HEATR1: variants seen among roughly 807,000 people sequenced by gnomAD.
The protein encoded by HEATR1 is HEAT repeat containing 1.
A neutral mutation model predicts 248.2 loss-of-function variants in HEATR1; 77 were observed. The ratio of observed to expected loss-of-function variants is 0.31; its 90% CI spans 0.26 to 0.37. HEATR1 has a LOEUF of 0.37. Ranked by LOEUF, HEATR1 falls within the 10% of genes least tolerant of loss-of-function variation. The pLI, the probability that HEATR1 is intolerant of heterozygous loss-of-function variation, is 1.00. For missense variants in HEATR1, 2,420 were observed against 2,504.9 expected, an observed-to-expected ratio of 0.97 and a Z score of 0.72; for synonymous variants, 897 against 923.1, an observed-to-expected ratio of 0.97 and a Z score of 0.51.
Position 236,571,568 on chromosome 1 carries a change from C to T in HEATR1, c.3826G>A (p.Asp1276Asn), listed in dbSNP as rs551819849. Reference protein sequence around the residue: ...LSPDGGKIPKDILDEEKFNVE... With the variant: ...LSPDGGKIPKNILDEEKFNVE... ...ACCTTTCCTTCCAAAAAGTACCTACCTTTGGGTATTTTGCCACCATCTGGA... is the reference window on the plus strand; with the variant it reads ...ACCTTTCCTTCCAAAAAGTACCTACTTTTGGGTATTTTGCCACCATCTGGA... The change falls in exon 27 of 45, where the codon GAT becomes AAT. Residue 1276 changes from aspartate (D) to asparagine (N), a missense_variant and splice_region_variant. Physicochemically the swap from Asp to Asn is conservative, Grantham distance 23. Coordinates refer to ENST00000366582, the MANE Select transcript of HEATR1 (RefSeq NM_018072.6). 1.2e-6 allele frequency: 2 copies of T among 1,613,404 alleles called. No individual in the cohort carries two copies. The highest frequency in any genetic ancestry group is 2.7e-5 in the African/African-American group (2 of 74,998).
intron 16 of HEATR1, 135 bp downstream of exon 16, chr1:236,585,685 C>G: frequency 1.5e-6 from 1 of 689,576 alleles, no homozygotes. Flanking sequence ...AACAACACTG[C>G]AACGTTTAAA....
chr1:236,554,629 G>A lies in HEATR1; in HGVS notation c.6047C>T (p.Ala2016Val). The A allele has an allele frequency of 6.2e-7, 1 of 1,612,202 alleles. No individual in the cohort carries two copies. Residue 2016 changes from alanine to valine, a missense_variant, in exon 42 of 45, where the codon GCA becomes GTA. Coordinates refer to ENST00000366582, the MANE Select transcript of HEATR1 (RefSeq NM_018072.6). ...CACCAGAGGCATCATCAAGGCTTCT[G>A]CTCTCTCTTTACTTATAAAATGCTG... ...DTQHFISKER[A>V]EALMMPLVDQ...
intron 21 of HEATR1, among the ~76,000 whole-genome samples, 181 bp from the exon 22 acceptor site, chr1:236,576,558 C>T (rs749399753): frequency 5.3e-5 from 8 of 152,196 alleles, no homozygotes; most frequent in Non-Finnish European, 1.2e-4. Context: ...TGAAAAGCTA[C>T]ACACTAAACC....
chr1:236,561,125 G>A (rs1217261674), intron 33 of HEATR1, 100 bp downstream of exon 33: 2 of 865,576 alleles, frequency 2.3e-6, no homozygotes, highest in African/African-American at 3.4e-5. Flanking sequence ...GGTGAACCTG[G>A]TTGTAAAGAG....
intron 3 of HEATR1, among the ~76,000 whole-genome samples, chr1:236,602,087 T>C (rs1022587111): frequency 3.3e-5 from 5 of 150,736 alleles, no homozygotes; most frequent in Non-Finnish European, 7.4e-5. Context: ...TGCAGTGAGA[T>C]GAGATCGTGC....
At position 236,586,525 on chromosome 1, in the gene HEATR1, C is replaced by T. The variant is rs569040025; in HGVS notation, c.1716-73G>A. 24 of 899,310 alleles carry T rather than the reference C, an allele frequency of 2.7e-5. No individual in the cohort carries two copies. In the South Asian group the frequency reaches 2.8e-4, roughly 11 times the overall value. 55.7% of individuals were successfully genotyped at this position (899,310 alleles called of 1,614,324 possible). A position where few individuals can be genotyped will look rare whatever the true frequency, so the allele number is the denominator to read the frequency against. On this transcript the variant is annotated intron_variant, in intron 14 of 44. Coordinates refer to ENST00000366582, the MANE Select transcript of HEATR1 (RefSeq NM_018072.6). ...TCAATTGGGCAAAAATTCATCATTA[C>T]ATTACTCCAGCTTAACTGACAATAT...
rs768939723 is a variant in HEATR1, at chr1:236,559,825, G to C, written c.4659C>G (p.Thr1553=). ...CAACTGCACTGATATAGCCGAGAAC[G>C]GTCTCCAGCAACCTGAAACACAGAG... is the stretch of plus-strand genomic sequence containing the variant. ...LKGLEERLLE[T]VLGYISAVAQ... Residue 1553 remains threonine, a synonymous_variant, in exon 34 of 45, where the codon ACC becomes ACG. Transcript: ENST00000366582. The C allele has an allele frequency of 3.1e-6, 5 of 1,605,838 alleles. No individual in the cohort carries two copies. The highest frequency in any genetic ancestry group is 2.2e-5 in the East Asian group (1 of 44,688).
rs1036691248 is a variant in HEATR1, at chr1:236,564,547, G to A, written c.4550C>T (p.Ser1517Leu). Residue 1517 changes from serine (S) to leucine (L), a missense_variant, in exon 32 of 45, where the codon TCA becomes TTA. Ser to Leu is a moderately radical substitution (Grantham distance 145). Transcript: ENST00000366582. ...SKQLRHFKFL[S>L]VSFMSQLLSS... ...CAGGAGCTGAGACATGAAGGACACT[G>A]ACAAAAATTTAAAATGCCGCAGTTG... 10 of 1,613,820 alleles carry A rather than the reference G, an allele frequency of 6.2e-6. No individual in the cohort carries two copies. In the Admixed American group the frequency reaches 1.2e-4, roughly 19 times the overall value.
chr1:236,592,220 G>A (rs1173845114), intron 10 of HEATR1, 110 bp from the exon 11 acceptor site: 1 of 636,692 alleles, frequency 1.6e-6, no homozygotes, highest in African/African-American at 1.9e-5. Flanking sequence ...CTGAGACTGT[G>A]ACTTAAATTT....
chr1:236,591,873 G>A (rs1025727613), intron 11 of HEATR1, 120 bp downstream of exon 11: 4 of 601,166 alleles, frequency 6.7e-6, no homozygotes, highest in Non-Finnish European at 1.2e-5. Flanking sequence ...AACTGTAGAA[G>A]GTTATCTCTG....
chr1:236,554,576 A>G, intron 42 of HEATR1, 22 bp downstream of exon 42: 1 of 1,606,696 alleles, frequency 6.2e-7, no homozygotes. Flanking sequence ...CTCAGCAACG[A>G]AAGATGATTC....
Position 236,596,924 on chromosome 1 carries a change from A to G in HEATR1, c.656T>C (p.Phe219Ser). Residue 219 changes from phenylalanine to serine, a missense_variant, in exon 6 of 45, where the codon TTC (phenylalanine) becomes TCC (serine). Phe to Ser is a radical substitution (Grantham distance 155, BLOSUM62 -2). Coordinates refer to ENST00000366582, the MANE Select transcript of HEATR1 (RefSeq NM_018072.6). Reference sequence around the variant, plus strand: ...CGCCGACACTATGGTAGAAGCATAGAAAGCCAAGAGCACCCTCAACTGAGC... The same window carrying G: ...CGCCGACACTATGGTAGAAGCATAGGAAGCCAAGAGCACCCTCAACTGAGC... The part of the protein sequence containing the change: ...SSAQLRVLLA[F>S]YASTIVSALV... 1 of 1,614,136 alleles carries G rather than the reference A, an allele frequency of 6.2e-7. No individual in the cohort carries two copies. The highest frequency in any genetic ancestry group is 8.5e-7 in the Non-Finnish European group (1 of 1,180,004).
intron 3 of HEATR1, among the ~76,000 whole-genome samples, chr1:236,601,360 C>T (rs1396803657): frequency 6.6e-6 from 1 of 152,022 alleles, no homozygotes; most frequent in African/African-American, 2.4e-5. Flanking sequence ...AATTCTCCTG[C>T]CTCAGCCTCC....
intron 16 of HEATR1, 103 bp downstream of exon 16, chr1:236,585,717 T>C (rs1408870275): frequency 2.6e-6 from 3 of 1,154,968 alleles, no homozygotes; most frequent in Non-Finnish European, 2.4e-6. Flanking sequence ...TACTCAAGAA[T>C]AAAAGAAATT....
At chr1:236,582,955 G>A in intron 18 of HEATR1, 58 bp downstream of exon 18, 1 of 1,603,482 alleles carries the variant, frequency 6.2e-7, no homozygotes, top group Non-Finnish European at 8.5e-7. Context: ...TCATTGTGGA[G>A]TCAATCATTC....
intron 14 of HEATR1, 49 bp from the exon 15 acceptor site, chr1:236,586,501 C>T (rs774230932): frequency 2.4e-6 from 3 of 1,272,874 alleles, no homozygotes; most frequent in Admixed American, 1.8e-5. Context: ...TGGAAGGCTT[C>T]AATTGGGCAA....
Position 236,587,950 on chromosome 1 carries a change from C to T in HEATR1, c.1624G>A (p.Glu542Lys). ...CAACAAATGACAAATTCACTCACCT[C>T]AAAAGCACTTATAGCCGACAAAACA... ...DVVLSAISAF[E>K]IFKEHFSSEV... Residue 542 changes from glutamate (E) to lysine (K), a missense_variant and splice_region_variant, in exon 13 of 45, where the codon GAG becomes AAG. Physicochemically the swap from Glu to Lys is moderately conservative, Grantham distance 56. Transcript: ENST00000366582. The T allele has an allele frequency of 6.2e-7, 1 of 1,607,702 alleles. No homozygotes were observed.
Position 236,555,943 on chromosome 1 carries a change from C to T in HEATR1, c.5515-4G>A, listed in dbSNP as rs748399569. The T allele has an allele frequency of 3.1e-6, 5 of 1,613,662 alleles. No individual in the cohort carries two copies. Among genetic ancestry groups the T allele is most frequent in the Non-Finnish European group, 4.2e-6 (5 of 1,179,522 alleles). On this transcript the variant is annotated splice_region_variant and splice_polypyrimidine_tract_variant and intron_variant, in intron 38 of 44. Coordinates refer to ENST00000366582, the MANE Select transcript of HEATR1 (RefSeq NM_018072.6). The stretch of plus-strand genomic sequence containing the variant: ...TCATAAACGGACCCATGTGATTCTA[C>T]CAATAACACAGGAAAGAGATGTGCC...
At chr1:236,593,099 C>T (rs1168896782) in intron 9 of HEATR1, among the ~76,000 whole-genome samples, 5 of 151,948 alleles carry the variant, frequency 3.3e-5, no homozygotes, top group Non-Finnish European at 7.4e-5. Context: ...GAGGCTGAGG[C>T]AGGAGAATCG....
Sources: allele counts gnomAD v4.1 joint callset (sites outside exome capture counted in the v4.1 genomes callset), GRCh38; gene constraint gnomAD v4.1.1; transcripts MANE v1.5; gene names NCBI Gene and HGNC (gene_info 2026-07-23, HGNC 2026-07-21).